Variants in AGPS observed in about 807,000 individuals in gnomAD.
The protein encoded by AGPS is alkyldihydroxyacetonephosphate synthase, peroxisomal.
A neutral mutation model predicts 90.7 loss-of-function variants in AGPS; 26 were observed. That is an observed-to-expected ratio of 0.29 (90% CI 0.21 to 0.40). The LOEUF (loss-of-function observed/expected upper bound fraction) is 0.40, where lower values mean the gene tolerates loss of function less well. AGPS is among the 10% of genes least tolerant of loss of function. The probability of loss-of-function intolerance (pLI) is 1.00; values close to 1 mark genes in which losing one functional copy is unlikely to be tolerated. For missense variants in AGPS, 540 were observed against 816.1 expected, an observed-to-expected ratio of 0.66 and a Z score of 4.12; for synonymous variants, 294 against 285.3, an observed-to-expected ratio of 1.03 and a Z score of -0.31.
intron 5 of AGPS, among the ~76,000 whole-genome samples, chr2:177,440,445 C>G (rs1393634673): frequency 1.3e-5 from 2 of 152,046 alleles, no homozygotes; most frequent in African/African-American, 2.4e-5. Flanking sequence ...TCTACAAACC[C>G]AAATTGAGGG....
intron 1 of AGPS, among the ~76,000 whole-genome samples, chr2:177,395,718 G>GTATTTGTGTATT (rs1185089463): frequency 3.9e-5 from 6 of 152,172 alleles, no homozygotes; most frequent in African/African-American, 1.4e-4. Context: ...GAATAATTTT[G>GTATTTGTGTATT]TGATTTGTGT....
chr2:177,401,546 A>AT (rs1420889940), intron 1 of AGPS, among the ~76,000 whole-genome samples: 16 of 151,450 alleles, frequency 1.1e-4, no homozygotes, highest in African/African-American at 3.9e-4. Context: ...TTTTAATTTT[A>AT]ATTTTTTTTT....
In AGPS at chr2:177,542,353, C is replaced by T. The variant is rs2079244786; in HGVS notation, c.*4158C>T. ...TGAACCTGAAGCACTCCCTTTTGAA[C>T]CTTGGAAGATCCTCAAAGAGTGAGC... On this transcript the variant is annotated 3_prime_UTR_variant, in exon 20 of 20. Transcript: ENST00000264167. 1 of 152,062 alleles carries T rather than the reference C, an allele frequency of 6.6e-6. No homozygotes were observed. Among genetic ancestry groups the T allele is most frequent in the East Asian group, 1.9e-4 (1 of 5,190 alleles). The allele number at this position is 152,062 out of a possible 1,614,324, so 9.4% of individuals were successfully genotyped here.
At chr2:177,485,423 TTGGTGTAATC>T (rs1260893025) in intron 11 of AGPS, among the ~76,000 whole-genome samples, 1 of 152,220 alleles carries the variant, frequency 6.6e-6, no homozygotes, top group East Asian at 1.9e-4. Context: ...CCATAAATAG[TTGGTGTAATC>T]TGATACAGTT....
At chr2:177,518,646 T>G (rs530110230) in intron 17 of AGPS, among the ~76,000 whole-genome samples, 165 of 151,744 alleles carry the variant, frequency 1.1e-3, no homozygotes, top group African/African-American at 3.9e-3. Flanking sequence ...AGAAGAGCTT[T>G]CCTCTCCTCT....
Position 177,538,995 on chromosome 2 carries a change from G to A in AGPS, c.*800G>A, listed in dbSNP as rs774003780. On this transcript the variant is annotated 3_prime_UTR_variant, in exon 20 of 20. Coordinates refer to ENST00000264167, the MANE Select transcript of AGPS (RefSeq NM_003659.4). ...AATGAATGCCTTTATTCAACTTAGA[G>A]TCCTAATGTTTCTGATTTCACATTC... 4 of 152,040 alleles carry A rather than the reference G, an allele frequency of 2.6e-5. No homozygotes were observed. Among genetic ancestry groups the A allele is most frequent in the Non-Finnish European group, 5.9e-5 (4 of 67,942 alleles). 9.4% of individuals were successfully genotyped at this position (152,040 alleles called of 1,614,324 possible).
intron 11 of AGPS, among the ~76,000 whole-genome samples, chr2:177,487,125 T>G (rs1233704152): frequency 6.6e-6 from 1 of 152,224 alleles, no homozygotes; most frequent in African/African-American, 2.4e-5. Context: ...AATAACGATG[T>G]CTTTACAAGG....
chr2:177,406,545 A>C (rs1273063148), intron 1 of AGPS, among the ~76,000 whole-genome samples: 1 of 152,208 alleles, frequency 6.6e-6, no homozygotes, highest in East Asian at 1.9e-4. Flanking sequence ...TGTATAAGGA[A>C]TTGTCATAAC....
chr2:177,411,137 CTG>C (rs1157732274), intron 1 of AGPS, among the ~76,000 whole-genome samples: 1 of 152,108 alleles, frequency 6.6e-6, no homozygotes, highest in African/African-American at 2.4e-5. Context: ...TATAAAAAAA[CTG>C]AGGTTGCCAA....
At chr2:177,450,147 A>G (rs548615400) in intron 8 of AGPS, among the ~76,000 whole-genome samples, 7 of 152,234 alleles carry the variant, frequency 4.6e-5, no homozygotes, top group Admixed American at 1.3e-4. Context: ...TATTTGCCCA[A>G]TTTTAAGATT....
chr2:177,398,827 T>A (rs902234738), intron 1 of AGPS, among the ~76,000 whole-genome samples: 7 of 152,160 alleles, frequency 4.6e-5, no homozygotes, highest in Admixed American at 1.3e-4. Context: ...ATTTGACTTG[T>A]GGAAGAAGAC....
rs538095453 is a variant in AGPS, at chr2:177,518,791, C to T, written c.1698-2478C>T. Among the ~76,000 whole-genome samples the T allele has an allele frequency of 8.6e-5, 13 of 151,248 alleles. No homozygotes were observed. The South Asian group carries it at 2.5e-3, about 29-fold the overall frequency. On this transcript the variant is annotated intron_variant, in intron 17 of 19. Transcript: ENST00000264167. ...TTATTCACTTTGTTGCTCAGATTTT[C>T]CCAGTGTGGCTATTGGGAGTTTCTT...
intron 10 of AGPS, among the ~76,000 whole-genome samples, chr2:177,478,630 T>C (rs1458063717): frequency 6.6e-6 from 1 of 152,196 alleles, no homozygotes; most frequent in Non-Finnish European, 1.5e-5. Flanking sequence ...TAAGCCCTTG[T>C]AGTGAATTGT....
chr2:177,495,807 A>G (rs894841517), intron 12 of AGPS, among the ~76,000 whole-genome samples: 10 of 150,236 alleles, frequency 6.7e-5, no homozygotes, highest in Admixed American at 3.3e-4. Flanking sequence ...AGTCCCAGCT[A>G]CTCGGGAGGC....
chr2:177,528,464 T>G (rs145257519), intron 19 of AGPS, among the ~76,000 whole-genome samples: 2 of 152,308 alleles, frequency 1.3e-5, no homozygotes, highest in East Asian at 3.9e-4. Context: ...TAATCCCTTT[T>G]CCCATTCAAG....
chr2:177,481,056 A>T (rs1412585401), intron 10 of AGPS, among the ~76,000 whole-genome samples: 1 of 152,074 alleles, frequency 6.6e-6, no homozygotes, highest in African/African-American at 2.4e-5. Flanking sequence ...CATAGTTTTT[A>T]ATCCTGTGTT....
rs1197283264 is a variant in AGPS, at chr2:177,541,996, A to G, written c.*3801A>G. ...ACTGTAAAAACTACTTGTAATGTCA[A>G]GAGATTATAGATCATATTATTAATA... On this transcript the variant is annotated 3_prime_UTR_variant, in exon 20 of 20. Coordinates refer to ENST00000264167, the MANE Select transcript of AGPS (RefSeq NM_003659.4). 5.3e-5 allele frequency: 8 copies of G among 152,274 alleles called. No homozygotes were observed. The highest frequency in any genetic ancestry group is 1.7e-4 in the African/African-American group (7 of 41,562). The allele number at this position is 152,274 out of a possible 1,614,324, so 9.4% of individuals were successfully genotyped here. A position where few individuals can be genotyped will look rare whatever the true frequency, so the allele number is the denominator to read the frequency against.
chr2:177,504,602 T>C (rs1023965030), intron 14 of AGPS, among the ~76,000 whole-genome samples: 2 of 152,108 alleles, frequency 1.3e-5, no homozygotes, highest in Non-Finnish European at 2.9e-5. Context: ...CTTACAGTAT[T>C]TGTACAGAAC....
At chr2:177,472,090 T>A (rs1000680800) in intron 10 of AGPS, among the ~76,000 whole-genome samples, 6 of 151,930 alleles carry the variant, frequency 3.9e-5, no homozygotes, top group Non-Finnish European at 5.9e-5. Flanking sequence ...TGAAGTTTTT[T>A]TTTGGATAGT....
Sources: allele counts gnomAD v4.1 joint callset (sites outside exome capture counted in the v4.1 genomes callset), GRCh38; gene constraint gnomAD v4.1.1; transcripts MANE v1.5; gene names NCBI Gene and HGNC (gene_info 2026-07-23, HGNC 2026-07-21).